Variants in CRMP1 observed in about 807,000 individuals in gnomAD.
CRMP1 encodes the protein dihydropyrimidinase-related protein 1.
CRMP1 carries 19 observed loss-of-function variants against 68.3 expected under a neutral mutation model. The ratio of observed to expected loss-of-function variants is 0.28; its 90% confidence interval spans 0.19 to 0.41. CRMP1 has a LOEUF of 0.41. Among genes scored for constraint, CRMP1 ranks in the 10% least tolerant of loss-of-function variants. CRMP1 has a pLI of 1.00. For missense variants in CRMP1, 791 were observed against 967.4 expected (o/e 0.82, Z 2.42); for synonymous variants, 439 against 399.6 (o/e 1.10, Z -1.18).
rs1712926544 is a variant in CRMP1, at chr4:5,854,759, G to A, written c.820+1384C>T. Among the ~76,000 whole-genome samples, 1 of 152,196 alleles carries A rather than the reference G, an allele frequency of 6.6e-6. No individual in the cohort carries two copies. The highest frequency in any genetic ancestry group is 1.5e-5 in the Non-Finnish European group (1 of 68,026). ...AGCAATAATGCCCAATGGTGCAAAGGTGCAGGGACTAGAGATTCTGGCATA... is the reference window on the plus strand; with the variant it reads ...AGCAATAATGCCCAATGGTGCAAAGATGCAGGGACTAGAGATTCTGGCATA... On this transcript the variant is annotated intron_variant, in intron 4 of 13. Coordinates refer to ENST00000324989, the MANE Select transcript of CRMP1 (RefSeq NM_001014809.3). This position sits in a 1 kb window ranked among gnomAD's most constrained non-coding sequence, Gnocchi z 4.0.
At chr4:5,851,347 T>G (rs1712601155) in intron 5 of CRMP1, 61 bp downstream of exon 5, 8 of 1,479,890 alleles carry the variant, frequency 5.4e-6, no homozygotes, top group Non-Finnish European at 7.6e-6. Context: ...CTGCCTGGAC[T>G]GGCAAAGCTG....
chr4:5,833,397 AC>A (rs1720514702), intron 11 of CRMP1, among the ~76,000 whole-genome samples: 1 of 144,294 alleles, frequency 6.9e-6, no homozygotes, highest in African/African-American at 2.6e-5. Flanking sequence ...CGATCTCCTG[AC>A]CTCGTGATCC....
chr4:5,868,459 A>G (rs1467624239), intron 1 of CRMP1, among the ~76,000 whole-genome samples: 3 of 150,898 alleles, frequency 2.0e-5, no homozygotes, highest in Non-Finnish European at 4.4e-5. Context: ...CTGCCACCAC[A>G]CTTGGCTAAT....
Position 5,861,085 on chromosome 4 carries a change from G to A in CRMP1, c.596C>T (p.Ala199Val), listed in dbSNP as rs201508359. ...YLQKPSQGMT[A>V]ADDFFQGTRA... ...GGTCCCTTGGAAGAAGTCATCAGCC[G>A]CAGTCATCCCCTGGGAGGGCTTCTG... Residue 199 changes from alanine (A) to valine (V), a missense_variant, in exon 3 of 14, where the codon GCG becomes GTG. By Grantham distance (64) the Ala-to-Val change is moderately conservative (BLOSUM62 0). Around this residue, in one of 3 missense-constraint regions of CRMP1, gnomAD observed 594 missense variants for 763.6 expected, o/e 0.78. Coordinates refer to ENST00000324989, the MANE Select transcript of CRMP1 (RefSeq NM_001014809.3). The surrounding 1 kb of genome is among the most constrained non-coding windows in gnomAD (Gnocchi z 6.0). 29 of 1,614,046 alleles carry A rather than the reference G, an allele frequency of 1.8e-5. No individual in the cohort carries two copies. In the East Asian group the frequency reaches 2.7e-4, roughly 15 times the overall value.
chr4:5,871,512 T>C (rs1464573387), intron 1 of CRMP1, among the ~76,000 whole-genome samples: 2 of 151,856 alleles, frequency 1.3e-5, no homozygotes, highest in Non-Finnish European at 2.9e-5. Context: ...TACAAAAAAT[T>C]AGCCGGGCGT....
chr4:5,851,465 G>T lies in CRMP1; in HGVS notation c.825C>A (p.Val275=). The T allele has an allele frequency of 1.2e-6, 2 of 1,614,050 alleles. No homozygotes were observed. The highest frequency in any genetic ancestry group is 1.7e-6 in the Non-Finnish European group (2 of 1,179,880). ...AGGCCATGTAGACTTGGAAGGAATTGACGCCTGTTTCAAGATAGAAAGGAT... is the reference window on the plus strand; with the variant it reads ...AGGCCATGTAGACTTGGAAGGAATTTACGCCTGTTTCAAGATAGAAAGGAT... ...ELEVLVQDKG[V]NSFQVYMAYK... The change falls in exon 5 of 14, where the codon GTC becomes GTA. Residue 275 remains valine (V), a synonymous_variant. Coordinates refer to ENST00000324989, the MANE Select transcript of CRMP1 (RefSeq NM_001014809.3).
In CRMP1 at chr4:5,891,011, C is replaced by G. The variant is rs928781162; in HGVS notation, c.381+1578G>C. Among the ~76,000 whole-genome samples the G allele has an allele frequency of 6.6e-6, 1 of 152,026 alleles. No individual in the cohort carries two copies. Among genetic ancestry groups the G allele is most frequent in the Admixed American group, 6.5e-5 (1 of 15,278 alleles). On this transcript the variant is annotated intron_variant, in intron 1 of 13. Transcript: ENST00000324989. This position sits in a 1 kb window ranked among gnomAD's most constrained non-coding sequence, Gnocchi z 5.2. ...CTGGTGCTGGTCCCGCTTCTCGGCC[C>G]GCGGCCCAGAAGCCTCCCCATCGGG... is the stretch of plus-strand genomic sequence containing the variant.
At chr4:5,862,460 C>T (rs931710554) in intron 2 of CRMP1, among the ~76,000 whole-genome samples, 3 of 152,210 alleles carry the variant, frequency 2.0e-5, no homozygotes, top group Admixed American at 1.3e-4. Flanking sequence ...CCTCTCCAAA[C>T]GTGTGGGCTT....
At chr4:5,869,129 T>C (rs1367518849) in intron 1 of CRMP1, among the ~76,000 whole-genome samples, 2 of 152,106 alleles carry the variant, frequency 1.3e-5, no homozygotes, top group African/African-American at 2.4e-5. Context: ...ATTTAAATTT[T>C]TTTTGTAGAG....
chr4:5,842,664 T>A lies in CRMP1; in HGVS notation c.1032+429A>T, dbSNP rs537968083. On this transcript the variant is annotated intron_variant, in intron 7 of 13. Coordinates refer to ENST00000324989, the MANE Select transcript of CRMP1 (RefSeq NM_001014809.3). This position sits in a 1 kb window ranked among gnomAD's most constrained non-coding sequence, Gnocchi z 4.5. Reference sequence around the variant, plus strand: ...CACTGTCTCTCTCACACACACACACTAACATACACACACTCACACACACAC... The same window carrying A: ...CACTGTCTCTCTCACACACACACACAAACATACACACACTCACACACACAC... Among the ~76,000 whole-genome samples the A allele has an allele frequency of 9.1e-4, 134 of 146,598 alleles. No individual in the cohort carries two copies. The highest frequency in any genetic ancestry group is 3.3e-3 in the African/African-American group (125 of 37,666).
At chr4:5,871,565 CAGG>C (rs1346368577) in intron 1 of CRMP1, among the ~76,000 whole-genome samples, 1 of 151,966 alleles carries the variant, frequency 6.6e-6, no homozygotes, top group African/African-American at 2.4e-5. Flanking sequence ...GAGGCTGAGG[CAGG>C]AGAATGGCAT....
Position 5,841,172 on chromosome 4 carries a change from G to T in CRMP1, c.1153+136C>A. 1.5e-6 allele frequency: 2 copies of T among 1,310,550 alleles called. No individual in the cohort carries two copies. Among genetic ancestry groups the T allele is most frequent in the Non-Finnish European group, 2.2e-6 (2 of 927,334 alleles). The allele number at this position is 1,310,550 out of a possible 1,614,324, so 81.2% of individuals were successfully genotyped here. ...CCAAAGAATTCCAGCCACCATCCTT[G>T]TGTCAGGAGCATCCCCGCTCCACCC... is the stretch of plus-strand genomic sequence containing the variant. On this transcript the variant is annotated intron_variant, in intron 8 of 13. Coordinates refer to ENST00000324989, the MANE Select transcript of CRMP1 (RefSeq NM_001014809.3). The surrounding 1 kb of genome is among the most constrained non-coding windows in gnomAD (Gnocchi z 6.9).
At chr4:5,873,872 A>G (rs960608960) in intron 1 of CRMP1, among the ~76,000 whole-genome samples, 1 of 152,214 alleles carries the variant, frequency 6.6e-6, no homozygotes, top group South Asian at 2.1e-4. Flanking sequence ...CAGGGACCCC[A>G]GTGCCATGTG....
At position 5,891,372 on chromosome 4, in the gene CRMP1, T is replaced by C. The variant is rs1715943929; in HGVS notation, c.381+1217A>G. On this transcript the variant is annotated intron_variant, in intron 1 of 13. Transcript: ENST00000324989. This position sits in a 1 kb window ranked among gnomAD's most constrained non-coding sequence, Gnocchi z 5.2. ...CCTCCAGGAAGCCCTCCCAGATATCTGCCCCGATCAAGCTCTGCTTCCCTC... is the reference window on the plus strand; with the variant it reads ...CCTCCAGGAAGCCCTCCCAGATATCCGCCCCGATCAAGCTCTGCTTCCCTC... 6.6e-6 allele frequency among the ~76,000 whole-genome samples: 1 copy of C among 152,128 alleles called. No homozygotes were observed. Among genetic ancestry groups the C allele is most frequent in the Non-Finnish European group, 1.5e-5 (1 of 68,022 alleles).
intron 13 of CRMP1, among the ~76,000 whole-genome samples, chr4:5,824,106 A>G (rs1560474989): frequency 6.6e-6 from 1 of 152,166 alleles, no homozygotes. Flanking sequence ...TTCTTGTTCT[A>G]AGAACAACGG....
chr4:5,851,142 G>C (rs1712586541), intron 5 of CRMP1, among the ~76,000 whole-genome samples: 1 of 152,228 alleles, frequency 6.6e-6, no homozygotes, highest in South Asian at 2.1e-4. Context: ...TTTCAAGTGA[G>C]CTCTCCAGAT....
At chr4:5,868,473 T>C (rs1391607767) in intron 1 of CRMP1, among the ~76,000 whole-genome samples, 1 of 151,298 alleles carries the variant, frequency 6.6e-6, no homozygotes, top group African/African-American at 2.4e-5. Flanking sequence ...GGCTAATTTT[T>C]TGTATTTTTA....
At chr4:5,868,262 T>C (rs1376709877) in intron 1 of CRMP1, among the ~76,000 whole-genome samples, 1 of 3,466 alleles carries the variant, frequency 2.9e-4, no homozygotes, top group African/African-American at 7.0e-4. Context: ...ACTATATATC[T>C]ATATATATAT....
At position 5,861,060 on chromosome 4, in the gene CRMP1, G is replaced by A; in HGVS notation, c.621C>T (p.Thr207=). 2 of 1,614,176 alleles carry A rather than the reference G, an allele frequency of 1.2e-6. No individual in the cohort carries two copies. Among genetic ancestry groups the A allele is most frequent in the Non-Finnish European group, 1.7e-6 (2 of 1,180,032 alleles). ...MTAADDFFQG[T]RAALVGGTTM... ...TGGTCCCGCCCACCAGTGCCGCCCTGGTCCCTTGGAAGAAGTCATCAGCCG... is the reference window on the plus strand; with the variant it reads ...TGGTCCCGCCCACCAGTGCCGCCCTAGTCCCTTGGAAGAAGTCATCAGCCG... The change falls in exon 3 of 14, where the codon ACC becomes ACT. Residue 207 remains threonine, a synonymous_variant. Transcript: ENST00000324989. The surrounding 1 kb of genome is among the most constrained non-coding windows in gnomAD (Gnocchi z 6.0).
Sources: gnomAD v4.1 joint callset for allele counts (sites outside exome capture counted in the v4.1 genomes callset) on GRCh38, gnomAD v4.1.1 for gene constraint, gnomAD v4.1.1 regional missense constraint, Gnocchi (gnomAD v3.1) non-coding constraint, MANE v1.5 for transcripts, NCBI Gene and HGNC (gene_info 2026-07-23, HGNC 2026-07-21) for gene names.